Variants in DNAAF11 observed in about 807,000 individuals in gnomAD.
DNAAF11 encodes the protein leucine rich repeat containing 6.
DNAAF11 carries 45 observed loss-of-function variants against 60.8 expected under a neutral mutation model. That is an observed-to-expected ratio of 0.74 (90% CI 0.58 to 0.95). The LOEUF (loss-of-function observed/expected upper bound fraction) is 0.95. Ranked by LOEUF, DNAAF11 falls within the 40% of genes least tolerant of loss-of-function variation. The pLI is 0.00. For synonymous variants in DNAAF11, 191 were observed against 183.5 expected (o/e 1.04, Z -0.33); for missense variants, 546 against 546.2 (o/e 1.00, Z 0.00).
intron 4 of DNAAF11, among the ~76,000 whole-genome samples, chr8:132,634,059 A>G (rs1821058347): frequency 6.6e-6 from 1 of 152,170 alleles, no homozygotes; most frequent in African/African-American, 2.4e-5. Context: ...AAAAAAATAC[A>G]CACAAAGATT....
At chr8:132,637,237 G>C (rs569156658) in intron 4 of DNAAF11, among the ~76,000 whole-genome samples, 12 of 152,196 alleles carry the variant, frequency 7.9e-5, no homozygotes, top group African/African-American at 2.7e-4. Context: ...TGTCAGACCT[G>C]ACCCAGAAAC....
chr8:132,593,785 C>T (rs957677035), intron 10 of DNAAF11, among the ~76,000 whole-genome samples: 3 of 151,728 alleles, frequency 2.0e-5, no homozygotes, highest in South Asian at 2.1e-4. Flanking sequence ...ACAAAGGTGC[C>T]GAAGCAACTC....
At chr8:132,611,989 T>C (rs1192156772) in intron 8 of DNAAF11, among the ~76,000 whole-genome samples, 1 of 152,236 alleles carries the variant, frequency 6.6e-6, no homozygotes, top group Non-Finnish European at 1.5e-5. Flanking sequence ...TATGTTCACA[T>C]ACTTCAAAAT....
intron 3 of DNAAF11, among the ~76,000 whole-genome samples, chr8:132,642,346 G>C (rs1167460301): frequency 6.6e-6 from 1 of 152,214 alleles, no homozygotes; most frequent in African/African-American, 2.4e-5. Context: ...GTGGGCACTT[G>C]GCTCTGAGAT....
At chr8:132,611,688 C>G (rs1818688037) in intron 8 of DNAAF11, among the ~76,000 whole-genome samples, 1 of 152,134 alleles carries the variant, frequency 6.6e-6, no homozygotes. Context: ...GCCCCTAAGA[C>G]TTGAATAGCC....
intron 1 of DNAAF11, among the ~76,000 whole-genome samples, chr8:132,669,698 T>C (rs1306848918): frequency 6.6e-6 from 1 of 152,122 alleles, no homozygotes; most frequent in African/African-American, 2.4e-5. Context: ...GTTCTGGACA[T>C]AATAGAGTAA....
chr8:132,589,387 T>C (rs1028679995), intron 10 of DNAAF11, among the ~76,000 whole-genome samples: 2 of 152,188 alleles, frequency 1.3e-5, no homozygotes, highest in Non-Finnish European at 2.9e-5. Context: ...ATGAGAACTT[T>C]GCAGTGCTTT....
chr8:132,592,792 T>G lies in DNAAF11; in HGVS notation c.1141-9013A>C, dbSNP rs560527096. 2.0e-5 allele frequency among the ~76,000 whole-genome samples: 3 copies of G among 152,068 alleles called. No homozygotes were observed. In the East Asian group the frequency reaches 5.8e-4, roughly 30 times the overall value. ...AAAGACAAAGATTGAATTTGAGGTA[T>G]GAAGGAGGTAAAATCTAGCAGACTT... On this transcript the variant is annotated intron_variant, in intron 10 of 11. Coordinates refer to ENST00000620350, the MANE Select transcript of DNAAF11 (RefSeq NM_012472.6).
chr8:132,665,172 G>A lies in DNAAF11; in HGVS notation c.11-3545C>T, dbSNP rs552763155. Among the ~76,000 whole-genome samples the A allele has an allele frequency of 1.2e-4, 18 of 152,014 alleles. No individual in the cohort carries two copies. The South Asian group carries it at 2.7e-3, about 23-fold the overall frequency. ...GCCGTGTGGCTTACCATTTTATAGC[G>A]CTGAGGAAATTGTTGTTACACAGTG... On this transcript the variant is annotated intron_variant, in intron 1 of 11. Transcript: ENST00000620350.
Position 132,652,056 on chromosome 8 carries a change from C to T in DNAAF11, c.256+4774G>A, listed in dbSNP as rs189191404. Among the ~76,000 whole-genome samples, 114 of 152,310 alleles carry T rather than the reference C, an allele frequency of 7.5e-4. 1 individual carries two copies. The highest frequency in any genetic ancestry group is 6.8e-3 in the Middle Eastern group (2 of 294). The stretch of plus-strand genomic sequence containing the variant: ...ATAGTCACTGGAATATCCATTTTTA[C>T]CCTAGTAGGCAAATAGGCTAAAATC... On this transcript the variant is annotated intron_variant, in intron 3 of 11. Transcript: ENST00000620350.
intron 11 of DNAAF11, among the ~76,000 whole-genome samples, chr8:132,576,747 T>TA (rs1465759926): frequency 6.6e-6 from 1 of 152,050 alleles, no homozygotes; most frequent in East Asian, 1.9e-4. Flanking sequence ...AAATCCAAAA[T>TA]AAAAAACAAG....
intron 5 of DNAAF11, among the ~76,000 whole-genome samples, chr8:132,626,116 G>A (rs1189035525): frequency 6.6e-6 from 1 of 151,720 alleles, no homozygotes; most frequent in Non-Finnish European, 1.5e-5. Flanking sequence ...GTGGCCAGTG[G>A]TCTCTGCTCA....
At chr8:132,698,740 AAGAAC>A in the DNAAF11 span, among the ~76,000 whole-genome samples, 5 of 152,036 alleles carry the variant, frequency 3.3e-5, no homozygotes, top group Non-Finnish European at 5.9e-5. Flanking sequence ...GAGAGGAACC[AAGAAC>A]CAAACCAAAC....
chr8:132,616,726 A>G (rs1819199472), intron 7 of DNAAF11, among the ~76,000 whole-genome samples: 1 of 152,154 alleles, frequency 6.6e-6, no homozygotes, highest in African/African-American at 2.4e-5. Flanking sequence ...GTTAGAAACA[A>G]ATTTTCAGTG....
At chr8:132,702,410 T>C in the DNAAF11 span, among the ~76,000 whole-genome samples, 1 of 152,214 alleles carries the variant, frequency 6.6e-6, no homozygotes, top group Non-Finnish European at 1.5e-5. Flanking sequence ...TTCTAACTTG[T>C]GTTAAATATT....
chr8:132,694,536 C>T, the DNAAF11 span, among the ~76,000 whole-genome samples: 14 of 152,190 alleles, frequency 9.2e-5, no homozygotes, highest in Non-Finnish European at 1.9e-4. Flanking sequence ...GTTTAAGCCA[C>T]TCAGTTTATA....
intron 5 of DNAAF11, among the ~76,000 whole-genome samples, chr8:132,629,160 G>A (rs1028650307): frequency 6.6e-6 from 1 of 152,032 alleles, no homozygotes; most frequent in Admixed American, 6.6e-5. Flanking sequence ...TTAAAGGAAA[G>A]CATTTAATAA....
chr8:132,698,924 A>G, the DNAAF11 span, among the ~76,000 whole-genome samples: 2 of 91,404 alleles, frequency 2.2e-5, no homozygotes, highest in African/African-American at 3.1e-4. Flanking sequence ...TACTTAAAAT[A>G]TATATATGTA....
chr8:132,609,461 G>A (rs1818438049), intron 10 of DNAAF11, among the ~76,000 whole-genome samples: 1 of 152,064 alleles, frequency 6.6e-6, no homozygotes, highest in East Asian at 1.9e-4. Context: ...AAGGCTGATA[G>A]TACTACCATC....
Sources: gnomAD v4.1 joint callset for allele counts (sites outside exome capture counted in the v4.1 genomes callset) on GRCh38, gnomAD v4.1.1 for gene constraint, MANE v1.5 for transcripts, NCBI Gene and HGNC (gene_info 2026-07-23, HGNC 2026-07-21) for gene names.